The following PMM2 variants were observed in gnomAD, a reference collection of about 807,000 sequenced individuals.
PMM2 encodes the protein phosphomannomutase 2, also known as mannose-6-phosphate isomerase.
Under a neutral mutation model 33.2 loss-of-function variants are expected in PMM2, and 35 were observed. That is an observed-to-expected ratio of 1.06 (90% confidence interval 0.81 to 1.40). The LOEUF (loss-of-function observed/expected upper bound fraction) is 1.40, where lower values mean the gene tolerates loss of function less well. PMM2 is among the 40% of genes most tolerant of loss of function. The pLI, the probability that PMM2 is intolerant of heterozygous loss-of-function variation, is 0.00. For missense variants in PMM2, 386 were observed against 306.0 expected, an observed-to-expected ratio of 1.26 and a Z score of -1.95; for synonymous variants, 153 against 114.7, an observed-to-expected ratio of 1.33 and a Z score of -2.13.
intron 7 of PMM2, among the ~76,000 whole-genome samples, chr16:8,828,550 G>A (rs187543121): frequency 1.6e-4 from 25 of 152,236 alleles, no homozygotes; most frequent in Admixed American, 1.2e-3. Flanking sequence ...ACCAGCTACC[G>A]ACATGAACCC....
chr16:8,835,411 C>T (rs1424360281), intron 7 of PMM2, among the ~76,000 whole-genome samples: 1 of 151,854 alleles, frequency 6.6e-6, no homozygotes, highest in East Asian at 1.9e-4. Flanking sequence ...GCCGTACAGC[C>T]CAGGTAATTT....
chr16:8,818,654 CAG>C (rs1481453070), intron 7 of PMM2, among the ~76,000 whole-genome samples: 1 of 152,180 alleles, frequency 6.6e-6, no homozygotes, highest in African/African-American at 2.4e-5. Flanking sequence ...CTCCAGGAGG[CAG>C]AGTCTGGTGT....
At chr16:8,813,721 C>A (rs1282459682) in intron 7 of PMM2, among the ~76,000 whole-genome samples, 2 of 152,070 alleles carry the variant, frequency 1.3e-5, no homozygotes, top group Non-Finnish European at 2.9e-5. Context: ...AGGAGGAATA[C>A]ATAGAAGAAA....
chr16:8,827,406 T>A lies in PMM2; in HGVS notation c.639+14300T>A, dbSNP rs528649275. On this transcript the variant is annotated intron_variant, in intron 7 of 7. Coordinates refer to ENST00000268261, the MANE Select transcript of PMM2 (RefSeq NM_000303.3). ...TTTTTTTATTTTTATTTTTATTTTTTTTTGAAATGGAGTCTTGCTCTGTCA... is the reference window on the plus strand; with the variant it reads ...TTTTTTTATTTTTATTTTTATTTTTATTTGAAATGGAGTCTTGCTCTGTCA... Among the ~76,000 whole-genome samples the A allele has an allele frequency of 1.5e-4, 23 of 151,002 alleles. 1 individual carries two copies. The South Asian group carries it at 4.2e-3, about 27-fold the overall frequency.
rs565703659 is a variant in PMM2 at position 8,814,526 on chromosome 16, C to A, written c.639+1420C>A. 3.3e-5 allele frequency among the ~76,000 whole-genome samples: 5 copies of A among 152,328 alleles called. No homozygotes were observed. In the South Asian group the frequency reaches 1.0e-3, roughly 32 times the overall value. The stretch of plus-strand genomic sequence containing the variant: ...TGAAAGATTTGCTTTTCAGCAGGGT[C>A]CCCACGTCACAGTCTTCCAGCATGA... On this transcript the variant is annotated intron_variant, in intron 7 of 7. Transcript: ENST00000268261.
chr16:8,836,131 A>G (rs752343870), intron 7 of PMM2, among the ~76,000 whole-genome samples: 15 of 150,236 alleles, frequency 1.0e-4, no homozygotes, highest in Non-Finnish European at 1.8e-4. Flanking sequence ...GAGGCAAGGG[A>G]AACAGGCCCT....
At chr16:8,831,923 C>T (rs2060812186) in intron 7 of PMM2, among the ~76,000 whole-genome samples, 1 of 152,192 alleles carries the variant, frequency 6.6e-6, no homozygotes, top group Non-Finnish European at 1.5e-5. Flanking sequence ...TCCCTCCCCC[C>T]TTCCCTCCCT....
At chr16:8,841,735 G>A (rs1453557302) in intron 7 of PMM2, among the ~76,000 whole-genome samples, 3 of 114,666 alleles carry the variant, frequency 2.6e-5, no homozygotes, top group Non-Finnish European at 5.9e-5. Context: ...GGGAAATGGG[G>A]TGAATGTCAG....
intron 4 of PMM2, chr16:8,808,234 G>C (rs751749140): frequency 1.1e-4 from 16 of 152,092 alleles, no homozygotes; most frequent in Non-Finnish European, 2.2e-4. Flanking sequence ...GTTGCAGCTG[G>C]GTAATGAGCA....
intron 7 of PMM2, among the ~76,000 whole-genome samples, chr16:8,846,787 G>A (rs1015223023): frequency 6.6e-6 from 1 of 152,216 alleles, no homozygotes; most frequent in Non-Finnish European, 1.5e-5. Flanking sequence ...CTCAGTGGTA[G>A]AACCAGCATC....
At chr16:8,822,213 C>G (rs1230576332) in intron 7 of PMM2, among the ~76,000 whole-genome samples, 6 of 152,158 alleles carry the variant, frequency 3.9e-5, no homozygotes, top group African/African-American at 9.7e-5. Context: ...GTTTTTCTTG[C>G]TATCTTCTGT....
At position 8,843,311 on chromosome 16, in the gene PMM2, G is replaced by A. The variant is rs145013986; in HGVS notation, c.640-4413G>A. On this transcript the variant is annotated intron_variant, in intron 7 of 7. Coordinates refer to ENST00000268261, the MANE Select transcript of PMM2 (RefSeq NM_000303.3). ...GAGAGTTACCCAAAGCTTGGCGTCC[G>A]TGATGGTCTGGGGGCTTCCAAGGCG... 9.3e-3 allele frequency among the ~76,000 whole-genome samples: 1,413 copies of A among 152,264 alleles called. 34 individuals are homozygous for A. Among genetic ancestry groups the A allele is most frequent in the African/African-American group, 0.032 (1,341 of 41,544 alleles).
chr16:8,821,913 C>T (rs2060741526), intron 7 of PMM2, among the ~76,000 whole-genome samples: 1 of 152,242 alleles, frequency 6.6e-6, no homozygotes, highest in African/African-American at 2.4e-5. Context: ...CTGCTCTACG[C>T]CATTTCAGAG....
At chr16:8,806,506 C>A in intron 4 of PMM2, 99 bp downstream of exon 4, 1 of 818,972 alleles carries the variant, frequency 1.2e-6, no homozygotes, top group Admixed American at 1.8e-5. Flanking sequence ...TAAAAATCAC[C>A]TAAAGAGTTT....
chr16:8,833,664 G>GA (rs1567166734), intron 7 of PMM2, among the ~76,000 whole-genome samples: 2 of 151,114 alleles, frequency 1.3e-5, no homozygotes, highest in African/African-American at 4.9e-5. Flanking sequence ...GGGTGATATT[G>GA]TGGGGATGTT....
Position 8,811,167 on chromosome 16 carries a change from G to A in PMM2, c.436G>A (p.Glu146Lys), listed in dbSNP as rs142420230. The A allele has an allele frequency of 2.1e-5, 33 of 1,557,974 alleles. No individual in the cohort carries two copies. The Middle Eastern group carries it at 5.0e-4, about 24-fold the overall frequency. Residue 146 changes from glutamate to lysine, a missense_variant, in exon 5 of 8, where the codon GAA (glutamate) becomes AAA (lysine). Glu to Lys is a moderately conservative substitution (Grantham distance 56, BLOSUM62 1). Coordinates refer to ENST00000268261, the MANE Select transcript of PMM2 (RefSeq NM_000303.3). ...CCAAGAAGAACGCATTGAGTTCTACGAACTCGATAAAGTACGTCTTTCTGA... is the reference window on the plus strand; with the variant it reads ...CCAAGAAGAACGCATTGAGTTCTACAAACTCGATAAAGTACGTCTTTCTGA... ...CSQEERIEFY[E>K]LDKKENIRQK...
At chr16:8,808,144 A>G (rs909847838) in intron 4 of PMM2, 1 of 152,144 alleles carries the variant, frequency 6.6e-6, no homozygotes, top group African/African-American at 2.4e-5. Context: ...CCTGCTCAGC[A>G]TCTCCAGCCA....
Position 8,834,115 on chromosome 16 carries a change from C to T in PMM2, c.640-13609C>T, listed in dbSNP as rs138536259. Among the ~76,000 whole-genome samples, 1,298 of 152,272 alleles carry T rather than the reference C, an allele frequency of 8.5e-3. 17 individuals carry two copies. Among genetic ancestry groups the T allele is most frequent in the African/African-American group, 0.028 (1,164 of 41,542 alleles). Reference sequence around the variant, plus strand: ...ATAAAAAGGAGCGTCTATACAGGAGCTTACATGGGCTGTACCTTGTAGCAT... The same window carrying T: ...ATAAAAAGGAGCGTCTATACAGGAGTTTACATGGGCTGTACCTTGTAGCAT... On this transcript the variant is annotated intron_variant, in intron 7 of 7. Coordinates refer to ENST00000268261, the MANE Select transcript of PMM2 (RefSeq NM_000303.3).
At chr16:8,835,572 G>T (rs1022908101) in intron 7 of PMM2, among the ~76,000 whole-genome samples, 3 of 151,988 alleles carry the variant, frequency 2.0e-5, no homozygotes, top group Admixed American at 1.3e-4. Context: ...GAGTATATGG[G>T]TTTGGCACCA....
Sources: allele counts gnomAD v4.1 joint callset (sites outside exome capture counted in the v4.1 genomes callset), GRCh38; gene constraint gnomAD v4.1.1; transcripts MANE v1.5; gene names NCBI Gene and HGNC (gene_info 2026-07-23, HGNC 2026-07-21).